Variants in ITPR2 observed in about 807,000 individuals in gnomAD.
The protein encoded by ITPR2 is inositol 1,4,5-trisphosphate receptor type 2.
ITPR2 carries 207 observed loss-of-function variants against 317.1 expected under a neutral mutation model. That is an observed-to-expected ratio of 0.65 (90% confidence interval 0.58 to 0.73). The LOEUF (loss-of-function observed/expected upper bound fraction) is 0.73. Among genes scored for constraint, ITPR2 ranks in the 30% least tolerant of loss-of-function variants. The pLI is 0.00. For synonymous variants in ITPR2, 1,156 were observed against 1,149.1 expected, an observed-to-expected ratio of 1.01 and a Z score of -0.12; for missense variants, 2,613 against 3,284.0, an observed-to-expected ratio of 0.80 and a Z score of 4.99.
Position 26,487,177 on chromosome 12 carries a change from C to T in ITPR2, c.5445G>A (p.Lys1815=). The change falls in exon 40 of 57, where the codon AAG becomes AAA. Residue 1815 remains lysine (K), a synonymous_variant. Coordinates refer to ENST00000381340, the MANE Select transcript of ITPR2 (RefSeq NM_002223.4). ...KFFKVLYDRM[K]AAQKEIRSTV... ...TTGATCTTATTTCTTTCTGAGCAGC[C>T]TTCATTCGATCATAGAGAACTTTAA... 6.2e-7 allele frequency: 1 copy of T among 1,613,190 alleles called. No homozygotes were observed. The highest frequency in any genetic ancestry group is 8.5e-7 in the Non-Finnish European group (1 of 1,179,606).
At chr12:26,391,141 T>TA (rs1472738634) in intron 54 of ITPR2, among the ~76,000 whole-genome samples, 1 of 152,230 alleles carries the variant, frequency 6.6e-6, no homozygotes, top group Non-Finnish European at 1.5e-5. Flanking sequence ...ACTTAATTTT[T>TA]ATTGAGCATC....
chr12:26,381,267 T>C (rs1333467112), intron 55 of ITPR2, among the ~76,000 whole-genome samples: 1 of 152,236 alleles, frequency 6.6e-6, no homozygotes, highest in Non-Finnish European at 1.5e-5. Flanking sequence ...AATGAGAAAT[T>C]TGTGTTGCAA....
At chr12:26,585,329 C>T (rs969195442) in intron 32 of ITPR2, among the ~76,000 whole-genome samples, 2 of 152,142 alleles carry the variant, frequency 1.3e-5, no homozygotes, top group Admixed American at 6.6e-5. Context: ...GTGACTTTAA[C>T]ATCCATCATA....
chr12:26,688,884 A>G (rs1948180828), intron 10 of ITPR2, among the ~76,000 whole-genome samples: 1 of 152,100 alleles, frequency 6.6e-6, no homozygotes, highest in South Asian at 2.1e-4. Context: ...GAGGGGGAAA[A>G]CCACCCTCTC....
At chr12:26,491,410 G>C (rs1382646596) in intron 39 of ITPR2, among the ~76,000 whole-genome samples, 2 of 149,266 alleles carry the variant, frequency 1.3e-5, no homozygotes, top group Non-Finnish European at 3.0e-5. Flanking sequence ...GTGAACCCAG[G>C]AGGCGGAGTT....
At chr12:26,715,607 T>C in intron 7 of ITPR2, 145 bp downstream of exon 7, 1 of 785,726 alleles carries the variant, frequency 1.3e-6, no homozygotes, top group African/African-American at 1.7e-5. Context: ...GGGGGGAAAT[T>C]CAGTAAAACA....
At chr12:26,616,128 T>TTA (rs1452712975) in intron 26 of ITPR2, among the ~76,000 whole-genome samples, 11 of 149,348 alleles carry the variant, frequency 7.4e-5, no homozygotes, top group African/African-American at 2.2e-4. Context: ...ATTTATTTAT[T>TTA]TTTATTTTAT....
intron 1 of ITPR2, among the ~76,000 whole-genome samples, chr12:26,824,536 C>T (rs1225291700): frequency 6.6e-6 from 1 of 152,086 alleles, no homozygotes; most frequent in Non-Finnish European, 1.5e-5. Context: ...TGTGGTTTTC[C>T]TCCACTGACC....
intron 40 of ITPR2, chr12:26,486,773 C>G (rs576343381): frequency 1.7e-6 from 1 of 588,942 alleles, no homozygotes; most frequent in African/African-American, 1.8e-5. Context: ...TTTAAAGTTT[C>G]ATTTTCATGG....
chr12:26,485,859 T>C (rs1353956175), intron 41 of ITPR2, among the ~76,000 whole-genome samples: 4 of 152,220 alleles, frequency 2.6e-5, no homozygotes, highest in Non-Finnish European at 4.4e-5. Flanking sequence ...TAAAAATATT[T>C]GAGGCTAAAA....
At chr12:26,378,885 T>C (rs1198662277) in intron 55 of ITPR2, among the ~76,000 whole-genome samples, 3 of 152,196 alleles carry the variant, frequency 2.0e-5, no homozygotes, top group Non-Finnish European at 4.4e-5. Flanking sequence ...CTCTCAGGCC[T>C]TCCTGCCATT....
intron 9 of ITPR2, among the ~76,000 whole-genome samples, chr12:26,700,182 A>G (rs916531390): frequency 7.2e-5 from 11 of 152,190 alleles, no homozygotes; most frequent in African/African-American, 2.7e-4. Flanking sequence ...TATAGGTCAG[A>G]GGAAGGAGGG....
chr12:26,665,817 T>C (rs1947613330), intron 14 of ITPR2, 93 bp downstream of exon 14: 2 of 1,120,708 alleles, frequency 1.8e-6, no homozygotes, highest in Non-Finnish European at 2.6e-6. Flanking sequence ...TGGGATCATT[T>C]GCTTCATAGT....
chr12:26,784,599 C>T (rs1196833958), intron 2 of ITPR2, among the ~76,000 whole-genome samples: 2 of 151,818 alleles, frequency 1.3e-5, no homozygotes, highest in African/African-American at 4.8e-5. Context: ...CAGCCTCGGC[C>T]TCCCGAGGTG....
chr12:26,336,446 A>G lies in ITPR2; in HGVS notation c.*2951T>C, dbSNP rs1565476139. ...AATTGTGTCCTCTTTACCAACAGAAAAATATTGATGTGCAAGAAAATAAGC... is the reference window on the plus strand; with the variant it reads ...AATTGTGTCCTCTTTACCAACAGAAGAATATTGATGTGCAAGAAAATAAGC... On this transcript the variant is annotated 3_prime_UTR_variant, in exon 57 of 57. Coordinates refer to ENST00000381340, the MANE Select transcript of ITPR2 (RefSeq NM_002223.4). 1 of 152,228 alleles carries G rather than the reference A, an allele frequency of 6.6e-6. No homozygotes were observed. Among genetic ancestry groups the G allele is most frequent in the South Asian group, 2.1e-4 (1 of 4,832 alleles). The allele number at this position is 152,228 out of a possible 1,614,324, so 9.4% of individuals were successfully genotyped here.
intron 8 of ITPR2, among the ~76,000 whole-genome samples, chr12:26,712,551 C>T (rs1948664959): frequency 6.6e-6 from 1 of 152,094 alleles, no homozygotes; most frequent in Non-Finnish European, 1.5e-5. Context: ...CCACTGTGAT[C>T]TTGTCAGTGT....
At chr12:26,591,847 A>G (rs1330840605) in intron 32 of ITPR2, among the ~76,000 whole-genome samples, 1 of 151,426 alleles carries the variant, frequency 6.6e-6, no homozygotes, top group East Asian at 1.9e-4. Context: ...AAAAAAAAAA[A>G]GCAACAACTA....
At chr12:26,694,080 T>C (rs1338642694) in intron 10 of ITPR2, among the ~76,000 whole-genome samples, 3 of 152,146 alleles carry the variant, frequency 2.0e-5, no homozygotes, top group Non-Finnish European at 2.9e-5. Flanking sequence ...AAATAAACCT[T>C]GTGAAAGAGA....
intron 54 of ITPR2, among the ~76,000 whole-genome samples, chr12:26,394,847 G>A (rs1274191916): frequency 6.6e-6 from 1 of 152,170 alleles, no homozygotes; most frequent in Admixed American, 6.5e-5. Context: ...GGGTTCATTA[G>A]CGCATGGTAG....
Sources: gnomAD v4.1 joint callset for allele counts (sites outside exome capture counted in the v4.1 genomes callset) on GRCh38, gnomAD v4.1.1 for gene constraint, MANE v1.5 for transcripts, NCBI Gene and HGNC (gene_info 2026-07-23, HGNC 2026-07-21) for gene names.